The following ABCB5 variants were observed in gnomAD, a reference collection of about 807,000 sequenced individuals.
ABCB5 encodes ATP-binding cassette sub-family B member 5.
ABCB5 carries 155 observed loss-of-function variants against 144.2 expected under a neutral mutation model. The ratio of observed to expected loss-of-function variants is 1.08; its 90% CI spans 0.94 to 1.23. The LOEUF (loss-of-function observed/expected upper bound fraction) is 1.23, where lower values mean the gene tolerates loss of function less well. Among genes scored for constraint, ABCB5 ranks in the 50% most tolerant of loss-of-function variants. The probability of loss-of-function intolerance (pLI) is 0.00; values close to 1 mark genes in which losing one functional copy is unlikely to be tolerated. For synonymous variants in ABCB5, 610 were observed against 528.6 expected (o/e 1.15, Z -2.11); for missense variants, 1,830 against 1,520.8 (o/e 1.20, Z -3.38).
rs372969470 is a variant in ABCB5, at chr7:20,660,844, T to A, written c.1707+2168T>A. On this transcript the variant is annotated intron_variant, in intron 14 of 27. Coordinates refer to ENST00000404938, the MANE Select transcript of ABCB5 (RefSeq NM_001163941.2). ...TCTATACCCACTTCACTCCACAACCTGCCCTCACATATCCCTTCCATCCCC... is the reference window on the plus strand; with the variant it reads ...TCTATACCCACTTCACTCCACAACCAGCCCTCACATATCCCTTCCATCCCC... Among the ~76,000 whole-genome samples, 3 of 152,300 alleles carry A rather than the reference T, an allele frequency of 2.0e-5. No individual in the cohort carries two copies. In the East Asian group the frequency reaches 5.8e-4, roughly 29 times the overall value.
chr7:20,749,726 A>G (rs1213332694), intron 26 of ABCB5, among the ~76,000 whole-genome samples: 1 of 152,198 alleles, frequency 6.6e-6, no homozygotes, highest in African/African-American at 2.4e-5. Context: ...ACAAACTTCC[A>G]TCTGAGCCTA....
chr7:20,713,079 G>C (rs1452206264), intron 20 of ABCB5, among the ~76,000 whole-genome samples: 1 of 149,526 alleles, frequency 6.7e-6, no homozygotes, highest in Non-Finnish European at 1.5e-5. Context: ...TAGAAACCAT[G>C]ATTTTACTCT....
intron 26 of ABCB5, among the ~76,000 whole-genome samples, chr7:20,750,107 T>C (rs975210854): frequency 6.6e-6 from 1 of 152,228 alleles, no homozygotes; most frequent in African/African-American, 2.4e-5. Context: ...ATTACTCATC[T>C]AGCAGCAATG....
intron 19 of ABCB5, among the ~76,000 whole-genome samples, chr7:20,703,099 A>C (rs1257742385): frequency 6.6e-6 from 1 of 152,180 alleles, no homozygotes; most frequent in East Asian, 1.9e-4. Flanking sequence ...GCGAGTTACT[A>C]TAGAATCAGG....
chr7:20,714,751 A>G (rs1781614318), intron 20 of ABCB5, among the ~76,000 whole-genome samples: 1 of 152,234 alleles, frequency 6.6e-6, no homozygotes, highest in Non-Finnish European at 1.5e-5. Flanking sequence ...TAAGCAAGCA[A>G]AGATATGCAA....
chr7:20,716,009 G>T (rs1781664483), intron 20 of ABCB5, among the ~76,000 whole-genome samples: 2 of 152,088 alleles, frequency 1.3e-5, no homozygotes, highest in African/African-American at 4.8e-5. Context: ...ACAGGTGTGA[G>T]CCACCGTGCC....
rs889926748 is a variant in ABCB5, at chr7:20,666,799, C to T, written c.1707+8123C>T. 7 of 1,591,272 alleles carry T rather than the reference C, an allele frequency of 4.4e-6. No individual in the cohort carries two copies. In the Admixed American group the frequency reaches 8.8e-5, roughly 20 times the overall value. On this transcript the variant is annotated intron_variant, in intron 14 of 27. Transcript: ENST00000404938. Reference sequence around the variant, plus strand: ...AAAGACGTATTGATAATCTACCACACTATCTACGTTGAGGTATCTGGAACC... The same window carrying T: ...AAAGACGTATTGATAATCTACCACATTATCTACGTTGAGGTATCTGGAACC...
At chr7:20,681,060 CTTTCTTTCTTTCTTTCTTTCTTTCTT>C (rs1315110592) in intron 14 of ABCB5, among the ~76,000 whole-genome samples, 106 of 10,444 alleles carry the variant, frequency 0.01, 7 homozygotes, top group African/African-American at 0.021. Flanking sequence ...CTCTCTCTCT[CTTTCTTTCTTTCTTTCTTTCTTTCTT>C]TCTTTCTTTC....
chr7:20,633,175 T>C (rs1784075471), intron 5 of ABCB5, among the ~76,000 whole-genome samples: 1 of 152,080 alleles, frequency 6.6e-6, no homozygotes, highest in South Asian at 2.1e-4. Flanking sequence ...TAAAGTTGTA[T>C]CCAAACAAAA....
intron 13 of ABCB5, among the ~76,000 whole-genome samples, chr7:20,652,569 G>C (rs1784632763): frequency 6.6e-6 from 1 of 151,334 alleles, no homozygotes; most frequent in African/African-American, 2.4e-5. Flanking sequence ...GACTTTATGG[G>C]AAAAAAAAGT....
intron 5 of ABCB5, 33 bp downstream of exon 5, chr7:20,632,146 G>A (rs372873693): frequency 2.3e-5 from 32 of 1,378,328 alleles, no homozygotes; most frequent in African/African-American, 3.0e-5. Context: ...TATCACATTC[G>A]TTGAATGATG....
intron 2 of ABCB5, among the ~76,000 whole-genome samples, chr7:20,625,628 A>C (rs1470446911): frequency 6.6e-6 from 1 of 152,210 alleles, no homozygotes; most frequent in Non-Finnish European, 1.5e-5. Context: ...TATGATGGCT[A>C]ATACTAAGAA....
chr7:20,637,506 T>A (rs530616321), intron 5 of ABCB5, among the ~76,000 whole-genome samples: 1 of 151,860 alleles, frequency 6.6e-6, no homozygotes, highest in South Asian at 2.1e-4. Flanking sequence ...CTGCAACCTC[T>A]GCCTCCCGGG....
rs1414370150 is a variant in ABCB5 at position 20,628,767 on chromosome 7, C to T, written c.188C>T (p.Pro63Leu). ...TCACTGGTCAATGGAGCCTGCCTTC[C>T]TTTAATGCCACTGGTTTTAGGAGAA... is the stretch of plus-strand genomic sequence containing the variant. ...LASLVNGACL[P>L]LMPLVLGEMS... is the part of the protein sequence containing the mutation. Residue 63 changes from proline (P) to leucine (L), a missense_variant, in exon 4 of 28, where the codon CCT becomes CTT. Transcript: ENST00000404938. 6.2e-7 allele frequency: 1 copy of T among 1,613,690 alleles called. No individual in the cohort carries two copies. Among genetic ancestry groups the T allele is most frequent in the Non-Finnish European group, 8.5e-7 (1 of 1,179,820 alleles).
chr7:20,755,968 T>C lies in ABCB5; in HGVS notation c.*344T>C, dbSNP rs1323526506. On this transcript the variant is annotated 3_prime_UTR_variant, in exon 28 of 28. Coordinates refer to ENST00000404938, the MANE Select transcript of ABCB5 (RefSeq NM_001163941.2). ...GTTTCCAGGGGGAATATTATCCAAT[T>C]AACCATGTTGAAGGTTTTAGCAAAG... The C allele has an allele frequency of 7.3e-6, 2 of 273,892 alleles. No homozygotes were observed. The highest frequency in any genetic ancestry group is 4.5e-5 in the African/African-American group (2 of 44,830). 17.0% of individuals were successfully genotyped at this position (273,892 alleles called of 1,614,324 possible). A position where few individuals can be genotyped will look rare whatever the true frequency, so the allele number is the denominator to read the frequency against.
In ABCB5 at chr7:20,698,472, G is replaced by A. The variant is rs774692336; in HGVS notation, c.2076G>A (p.Val692=). 16 of 1,599,018 alleles carry A rather than the reference G, an allele frequency of 1.0e-5. No homozygotes were observed. The East Asian group carries it at 2.7e-4, about 27-fold the overall frequency. The part of the protein sequence containing the change: ...LKLNKPEWPF[V]VLGTLASVLN... ...TAAACAAGCCTGAATGGCCTTTTGT[G>A]GTTCTGGGGACATTGGCTTCTGTTC... Residue 692 remains valine (V), a synonymous_variant, in exon 17 of 28, where the codon GTG becomes GTA. Coordinates refer to ENST00000404938, the MANE Select transcript of ABCB5 (RefSeq NM_001163941.2).
chr7:20,616,012 T>C (rs944374801), intron 1 of ABCB5, among the ~76,000 whole-genome samples, 175 bp downstream of exon 1: 3 of 152,202 alleles, frequency 2.0e-5, no homozygotes, highest in African/African-American at 7.2e-5. Context: ...TTGGTCATTT[T>C]AAAGCATCCA....
chr7:20,687,527 G>A (rs77959988), intron 16 of ABCB5, among the ~76,000 whole-genome samples: 4,735 of 152,286 alleles, frequency 0.031, 177 homozygotes, highest in African/African-American at 0.082. Context: ...CTGAAAAGAA[G>A]GCTGAAAAAC....
At chr7:20,661,535 T>C (rs1785001498) in intron 14 of ABCB5, among the ~76,000 whole-genome samples, 1 of 106,088 alleles carries the variant, frequency 9.4e-6, no homozygotes, top group Non-Finnish European at 1.8e-5. Flanking sequence ...CTTTCTTTTC[T>C]TTTTCTTTTT....
Sources: allele counts gnomAD v4.1 joint callset (sites outside exome capture counted in the v4.1 genomes callset), GRCh38; gene constraint gnomAD v4.1.1; transcripts MANE v1.5; gene names NCBI Gene and HGNC (gene_info 2026-07-23, HGNC 2026-07-21).